The following ZFP62 variants were observed in gnomAD, a reference collection of about 807,000 sequenced individuals.
ZFP62 encodes the protein ZFP62 zinc finger protein.
In ZFP62, 44 loss-of-function variants were observed where a neutral mutation model predicts 56.4. That is an observed-to-expected ratio of 0.78 (90% CI 0.61 to 1.00). The LOEUF (loss-of-function observed/expected upper bound fraction) is 1.00, where lower values mean the gene tolerates loss of function less well. Among genes scored for constraint, ZFP62 ranks in the 50% least tolerant of loss-of-function variants. The pLI is 0.00. For missense variants in ZFP62, 1,030 were observed against 1,085.7 expected, an observed-to-expected ratio of 0.95 and a Z score of 0.72; for synonymous variants, 421 against 388.9, an observed-to-expected ratio of 1.08 and a Z score of -0.97.
chr5:180,831,153 G>A, the ZFP62 span: 1 of 154,356 alleles, frequency 6.5e-6, no homozygotes, highest in Non-Finnish European at 1.4e-5. Flanking sequence ...ACGGGTCGCT[G>A]CGCGCCCAGC....
At chr5:180,857,308 C>A (rs529588346) in intron 1 of ZFP62, among the ~76,000 whole-genome samples, 11 of 131,852 alleles carry the variant, frequency 8.3e-5, no homozygotes, top group African/African-American at 2.8e-4. Flanking sequence ...GTGGGCCACA[C>A]AGAACTGCTG....
Position 180,849,647 on chromosome 5 carries a change from G to A in ZFP62, c.1848C>T (p.Pro616=). Residue 616 remains proline, a synonymous_variant, in exon 2 of 2, where the codon CCC becomes CCT. Coordinates refer to ENST00000502412, the MANE Select transcript of ZFP62 (RefSeq NM_001172638.2). ...ATTTCTCACACACATCACATTTGTA[G>A]GGCTTCTCCCCAAGATGAACTTTTT... The part of the protein sequence containing the change: ...NHKKVHLGEK[P]YKCDVCEKSF... 4 of 1,551,738 alleles carry A rather than the reference G, an allele frequency of 2.6e-6. No individual in the cohort carries two copies. The highest frequency in any genetic ancestry group is 3.5e-6 in the Non-Finnish European group (4 of 1,147,016).
chr5:180,849,382 C>T lies in ZFP62; in HGVS notation c.2113G>A (p.Glu705Lys). The change falls in exon 2 of 2, where the codon GAA (glutamate) becomes AAA (lysine). Residue 705 changes from glutamate (E) to lysine (K), a missense_variant. Transcript: ENST00000502412. The stretch of plus-strand genomic sequence containing the variant: ...CTTGAGAAAAAAGCTTTTCCACATT[C>T]ATCACATGTATGGGGTGTCCTGCCA... ...HPGRTPHTCDECGKAFFSSRT... is the reference protein window; with the variant it reads ...HPGRTPHTCDKCGKAFFSSRT... 6.4e-7 allele frequency: 1 copy of T among 1,551,066 alleles called. No individual in the cohort carries two copies. The highest frequency in any genetic ancestry group is 8.7e-7 in the Non-Finnish European group (1 of 1,146,600).
At chr5:180,833,872 T>G in the ZFP62 span, among the ~76,000 whole-genome samples, 1 of 152,070 alleles carries the variant, frequency 6.6e-6, no homozygotes, top group African/African-American at 2.4e-5. Context: ...GGTTTCACCG[T>G]GTTAGCCAGG....
At chr5:180,858,898 C>T (rs986729305) in intron 1 of ZFP62, among the ~76,000 whole-genome samples, 2 of 152,202 alleles carry the variant, frequency 1.3e-5, no homozygotes, top group Non-Finnish European at 2.9e-5. Flanking sequence ...CTGGTTACAT[C>T]AGCCAAAAGC....
rs368401205 is a variant in ZFP62 at position 180,853,293 on chromosome 5, C to T, written c.2-1800G>A. ...TGGAGCAATCTGTATATCCTAAAGT[C>T]AAAAGGTCAAAGTGAAAAAGAGTAA... On this transcript the variant is annotated intron_variant, in intron 1 of 1. Coordinates refer to ENST00000502412, the MANE Select transcript of ZFP62 (RefSeq NM_001172638.2). 9.9e-5 allele frequency among the ~76,000 whole-genome samples: 15 copies of T among 152,118 alleles called. No individual in the cohort carries two copies. The East Asian group carries it at 2.3e-3, about 23-fold the overall frequency.
rs1308081320 is a variant in ZFP62 at position 180,850,998 on chromosome 5, T to A, written c.497A>T (p.Glu166Val). The change falls in exon 2 of 2, where the codon GAA becomes GTA. Residue 166 changes from glutamate (E) to valine (V), a missense_variant. Glu to Val is a moderately radical substitution (Grantham distance 121). Transcript: ENST00000502412. ...ACAGTCATCACATTCATAGCGCTTT[T>A]CCCCAGTGTGCATAATTTTATGTTG... The part of the protein sequence containing the change: ...LVQHKIMHTG[E>V]KRYECDDCGG... 1.3e-6 allele frequency: 2 copies of A among 1,551,904 alleles called. No individual in the cohort carries two copies. Among genetic ancestry groups the A allele is most frequent in the Non-Finnish European group, 1.7e-6 (2 of 1,147,204 alleles).
the ZFP62 span, among the ~76,000 whole-genome samples, chr5:180,827,406 T>C: frequency 6.6e-6 from 1 of 152,222 alleles, no homozygotes; most frequent in African/African-American, 2.4e-5. Context: ...CCCCCAACCC[T>C]GTGCTCCCTG....
the ZFP62 span, among the ~76,000 whole-genome samples, chr5:180,837,056 C>T: frequency 6.6e-6 from 1 of 152,208 alleles, no homozygotes; most frequent in Non-Finnish European, 1.5e-5. Flanking sequence ...TGCCACCTAC[C>T]GCCTGCTTCC....
the ZFP62 span, among the ~76,000 whole-genome samples, chr5:180,839,486 A>T: frequency 1.3e-4 from 20 of 152,322 alleles, no homozygotes; most frequent in African/African-American, 4.8e-4. Context: ...GGAGGCCATT[A>T]TCCTAAGAGA....
chr5:180,840,619 T>C, the ZFP62 span, among the ~76,000 whole-genome samples: 1 of 151,730 alleles, frequency 6.6e-6, no homozygotes, highest in Admixed American at 6.6e-5. Context: ...GAGCCGGGCA[T>C]GTGGTGGGCG....
At chr5:180,851,989 T>G (rs1229412395) in intron 1 of ZFP62, 1 of 986,348 alleles carries the variant, frequency 1.0e-6, no homozygotes, top group Non-Finnish European at 1.2e-6. Flanking sequence ...AATTAGTACC[T>G]GGGGAGGGGT....
chr5:180,848,341 G>C lies in ZFP62; in HGVS notation c.*451C>G, dbSNP rs147744019. On this transcript the variant is annotated 3_prime_UTR_variant, in exon 2 of 2. Transcript: ENST00000502412. ...CCTGAAACCTATCCTCCCTGAATTT[G>C]CCTGTTGGAGGCCCTTAGTTTTCCC... The C allele has an allele frequency of 1.8e-3, 1,747 of 987,232 alleles. 5 individuals carry two copies. The highest frequency in any genetic ancestry group is 5.0e-3 in the Admixed American group (83 of 16,494). The allele number at this position is 987,232 out of a possible 1,614,324, so 61.2% of individuals were successfully genotyped here.
At chr5:180,829,375 C>A in the ZFP62 span, among the ~76,000 whole-genome samples, 32 of 152,354 alleles carry the variant, frequency 2.1e-4, no homozygotes, top group Admixed American at 2.0e-3. Flanking sequence ...TTTGTTCCTA[C>A]TCCCTGTTCG....
At position 180,848,568 on chromosome 5, in the gene ZFP62, C is replaced by T. The variant is rs1773503578; in HGVS notation, c.*224G>A. 5.7e-6 allele frequency: 7 copies of T among 1,236,894 alleles called. No individual in the cohort carries two copies. In the South Asian group the frequency reaches 2.6e-4, roughly 46 times the overall value. The allele number at this position is 1,236,894 out of a possible 1,614,324, so 76.6% of individuals were successfully genotyped here. ...TTCCATCACTCAGATCTAAGTTTTT[C>T]TCTCAAGTATGGACTGTTTTATATC... On this transcript the variant is annotated 3_prime_UTR_variant, in exon 2 of 2. Transcript: ENST00000502412.
rs147549736 is a variant in ZFP62 at position 180,859,490 on chromosome 5, G to A, written c.1+1729C>T. On this transcript the variant is annotated intron_variant, in intron 1 of 1. Transcript: ENST00000502412. Reference sequence around the variant, plus strand: ...AATATTAGGAATGTATATGATTAACGTGAGTTGGTTCTATTGCTTAAATAT... The same window carrying A: ...AATATTAGGAATGTATATGATTAACATGAGTTGGTTCTATTGCTTAAATAT... 2.5e-3 allele frequency among the ~76,000 whole-genome samples: 380 copies of A among 152,332 alleles called. 1 individual carries two copies. The highest frequency in any genetic ancestry group is 8.8e-3 in the African/African-American group (367 of 41,564).
chr5:180,851,545 A>G (rs913970142), intron 1 of ZFP62, 52 bp from the exon 2 acceptor site: 1 of 1,461,858 alleles, frequency 6.8e-7, no homozygotes, highest in Non-Finnish European at 9.0e-7. Flanking sequence ...AAAAAAAACA[A>G]AAACAAACTG....
chr5:180,849,021 G>C lies in ZFP62; in HGVS notation c.2474C>G (p.Ser825Ter). 2 of 1,551,990 alleles carry C rather than the reference G, an allele frequency of 1.3e-6. No individual in the cohort carries two copies. The highest frequency in any genetic ancestry group is 1.7e-6 in the Non-Finnish European group (2 of 1,147,064). Residue 825 changes from serine to a stop codon, truncating the protein, a stop_gained, in exon 2 of 2, where the codon TCA becomes TGA. Transcript: ENST00000502412. LOFTEE classifies it high-confidence loss of function. ...GATCCTTTTGTGCTGGTCAAGGACT[G>C]ATCTATAATTGAAGGATTTCCCACA... ...CECGKSFNYRSVLDQHKRIHT... is the reference protein window; with the variant it reads ...CECGKSFNYR
At chr5:180,828,196 A>T in the ZFP62 span, among the ~76,000 whole-genome samples, 3 of 152,222 alleles carry the variant, frequency 2.0e-5, no homozygotes, top group African/African-American at 7.2e-5. Flanking sequence ...CCTAACGAGA[A>T]ACACCCACAG....
Sources: allele counts gnomAD v4.1 joint callset (sites outside exome capture counted in the v4.1 genomes callset), GRCh38; gene constraint gnomAD v4.1.1; transcripts MANE v1.5; gene names NCBI Gene and HGNC (gene_info 2026-07-23, HGNC 2026-07-21).